The following CDKL5 variants were observed in gnomAD, a reference collection of about 807,000 sequenced individuals.
The protein encoded by CDKL5 is cyclin-dependent kinase-like 5.
Under a neutral mutation model 61.7 loss-of-function variants are expected in CDKL5, and 8 were observed. That is an observed-to-expected ratio of 0.13 (90% CI 0.08 to 0.23). The LOEUF is 0.23. CDKL5 is among the 10% of genes least tolerant of loss of function. CDKL5 has a pLI of 1.00. For synonymous variants in CDKL5, 275 were observed against 272.3 expected (o/e 1.01, Z -0.10); for missense variants, 440 against 734.5 (o/e 0.60, Z 4.63).
intron 3 of CDKL5, among the ~76,000 whole-genome samples, chrX:18,558,189 T>C (rs1199500592): frequency 9.0e-6 from 1 of 111,455 alleles, no homozygotes; most frequent in Admixed American, 9.6e-5. Flanking sequence ...ATTACTGATA[T>C]ATTTGATCAC....
At chrX:18,490,645 A>C (rs1265160751) in intron 1 of CDKL5, among the ~76,000 whole-genome samples, 1 of 111,457 alleles carries the variant, frequency 9.0e-6, no homozygotes, top group Non-Finnish European at 1.9e-5. Flanking sequence ...GAAAGAATCT[A>C]TCTTTTCTTT....
chrX:18,496,060 A>C (rs193021418), intron 1 of CDKL5, among the ~76,000 whole-genome samples: 1 of 112,398 alleles, frequency 8.9e-6, no homozygotes, highest in Non-Finnish European at 1.9e-5. Flanking sequence ...ATGAATAACC[A>C]TTGATGATTG....
At chrX:18,438,137 C>G (rs1413871226) in intron 1 of CDKL5, among the ~76,000 whole-genome samples, 9 of 111,347 alleles carry the variant, frequency 8.1e-5, no homozygotes, top group Non-Finnish European at 1.5e-4. Flanking sequence ...GCAATCTCGG[C>G]TCACTGCAAC....
At chrX:18,509,197 G>GCGCACACACACA (rs1555940193) in intron 2 of CDKL5, among the ~76,000 whole-genome samples, 15 of 64,308 alleles carry the variant, frequency 2.3e-4, no homozygotes, top group African/African-American at 5.9e-4. Flanking sequence ...CTCAAAACAC[G>GCGCACACACACA]CACACACACA....
rs750094933 is a variant in CDKL5, at chrX:18,507,059, A to G, written c.-38A>G. 9.6e-7 allele frequency: 1 copy of G among 1,039,842 alleles called. No homozygotes were observed. The highest frequency in any genetic ancestry group is 2.2e-5 in the Admixed American group (1 of 45,764). 85.7% of individuals were successfully genotyped at this position (1,039,842 alleles called of 1,213,427 possible). A position where few individuals can be genotyped will look rare whatever the true frequency, so the allele number is the denominator to read the frequency against. ...CTTTCTGAGAAGTTCTTTTGGTGCC[A>G]TGTTTTGTGGCTTGCATCAAAAGAG... On this transcript the variant is annotated 5_prime_UTR_variant, in exon 2 of 18. An upstream start codon of the reference 5' UTR is lost. Transcript: ENST00000623535.
intron 7 of CDKL5, among the ~76,000 whole-genome samples, chrX:18,583,728 C>T (rs1166568615): frequency 9.0e-6 from 1 of 111,343 alleles, no homozygotes; most frequent in African/African-American, 3.3e-5. Context: ...TAAGATACCC[C>T]TAATATTCTC....
At chrX:18,556,574 A>G (rs1238569280) in intron 3 of CDKL5, among the ~76,000 whole-genome samples, 1 of 111,568 alleles carries the variant, frequency 9.0e-6, no homozygotes, top group Non-Finnish European at 1.9e-5. Flanking sequence ...AAGTGAGATA[A>G]TCCACGGGAA....
At position 18,501,987 on chromosome X, in the gene CDKL5, G is replaced by A. The variant is rs549972330; in HGVS notation, c.-162-4948G>A. 6.2e-5 allele frequency among the ~76,000 whole-genome samples: 7 copies of A among 112,098 alleles called. No homozygotes were observed. In the South Asian group the frequency reaches 2.2e-3, roughly 35 times the overall value. On this transcript the variant is annotated intron_variant, in intron 1 of 17. Transcript: ENST00000623535. ...AGTAGAATATTTAAATATTTCCTGA[G>A]TGTTCTTTCAAACCAGCCGTAGAAA...
rs191328067 is a variant in CDKL5, at chrX:18,582,318, A to G, written c.463+368A>G. On this transcript the variant is annotated intron_variant, in intron 7 of 17. Transcript: ENST00000623535. ...TACACATAAGTATTTTGTATATGCA[A>G]TTGTTATATATCTATAAAGTCAAAA... Among the ~76,000 whole-genome samples the G allele has an allele frequency of 3.4e-3, 380 of 111,810 alleles. 2 individuals carry two copies. The Middle Eastern group carries it at 0.042, about 12-fold the overall frequency.
In CDKL5 at chrX:18,629,974, C is replaced by T. The variant is rs747201027; in HGVS notation, c.*1217C>T. 2.5e-5 allele frequency: 19 copies of T among 752,311 alleles called. No individual in the cohort carries two copies. In the South Asian group the frequency reaches 1.2e-3, roughly 46 times the overall value. 62.0% of individuals were successfully genotyped at this position (752,311 alleles called of 1,213,427 possible). A position where few individuals can be genotyped will look rare whatever the true frequency, so the allele number is the denominator to read the frequency against. On this transcript the variant is annotated 3_prime_UTR_variant, in exon 18 of 18. Coordinates refer to ENST00000623535, the MANE Select transcript of CDKL5 (RefSeq NM_001323289.2). Reference sequence around the variant, plus strand: ...GATCTTGCAAACCATCTCTATGCTCCTGAATATTGTCCACTGTCCCGGAGA... The same window carrying T: ...GATCTTGCAAACCATCTCTATGCTCTTGAATATTGTCCACTGTCCCGGAGA...
Position 18,639,073 on chromosome X carries a change from G to A in CDKL5, c.*10316G>A, listed in dbSNP as rs1280674478. Among the ~76,000 whole-genome samples, 3 of 111,763 alleles carry A rather than the reference G, an allele frequency of 2.7e-5. No homozygotes were observed. On this transcript the variant is annotated 3_prime_UTR_variant, in exon 18 of 18. Transcript: ENST00000623535. Reference sequence around the variant, plus strand: ...AACAAAGATCTAACTGTAAGAGGTAGAACTATAAAACTCATAGAAGAAAAC... The same window carrying A: ...AACAAAGATCTAACTGTAAGAGGTAAAACTATAAAACTCATAGAAGAAAAC...
intron 1 of CDKL5, among the ~76,000 whole-genome samples, chrX:18,492,023 G>A (rs1922012695): frequency 9.0e-6 from 1 of 111,098 alleles, no homozygotes; most frequent in South Asian, 3.8e-4. Context: ...TTCTGGAAAT[G>A]TAATTGCTGT....
intron 3 of CDKL5, among the ~76,000 whole-genome samples, chrX:18,521,089 A>T (rs1271620617): frequency 8.9e-6 from 1 of 111,853 alleles, no homozygotes; most frequent in Admixed American, 9.5e-5. Context: ...GTAGTGTGGT[A>T]TCTTATTGTG....
intron 1 of CDKL5, among the ~76,000 whole-genome samples, chrX:18,437,097 T>C (rs1260855503): frequency 1.8e-5 from 2 of 110,222 alleles, no homozygotes; most frequent in Non-Finnish European, 3.8e-5. Flanking sequence ...TGACATGAAA[T>C]GAAATGCTAC....
At chrX:18,441,319 G>C (rs929244046) in intron 1 of CDKL5, among the ~76,000 whole-genome samples, 4 of 110,822 alleles carry the variant, frequency 3.6e-5, no homozygotes, top group African/African-American at 1.3e-4. Flanking sequence ...GGAGGCTGAG[G>C]TGGGAGGATC....
At chrX:18,543,894 T>C (rs772844209) in intron 3 of CDKL5, among the ~76,000 whole-genome samples, 1 of 111,859 alleles carries the variant, frequency 8.9e-6, no homozygotes, top group South Asian at 3.8e-4. Context: ...TCCCCTCTCA[T>C]TGGTTGAGAT....
chrX:18,520,791 A>G (rs765500467), intron 3 of CDKL5, among the ~76,000 whole-genome samples: 1 of 111,896 alleles, frequency 8.9e-6, no homozygotes, highest in East Asian at 2.8e-4. Context: ...TCTGTCGCCC[A>G]GGCTGGAGTG....
At chrX:18,607,816 G>A (rs1417818456) in intron 12 of CDKL5, among the ~76,000 whole-genome samples, 1 of 111,975 alleles carries the variant, frequency 8.9e-6, no homozygotes, top group Non-Finnish European at 1.9e-5. Flanking sequence ...AACAGTACAG[G>A]TGGTAAAAGT....
At chrX:18,542,247 A>G (rs2147116555) in intron 3 of CDKL5, among the ~76,000 whole-genome samples, 1 of 110,941 alleles carries the variant, frequency 9.0e-6, no homozygotes, top group Non-Finnish European at 1.9e-5. Context: ...GCCTTTGCTG[A>G]CCACTGTGGC....
Sources: gnomAD v4.1 joint callset for allele counts (sites outside exome capture counted in the v4.1 genomes callset) on GRCh38, gnomAD v4.1.1 for gene constraint, MANE v1.5 for transcripts, NCBI Gene and HGNC (gene_info 2026-07-23, HGNC 2026-07-21) for gene names.